Variants in SLC2A4RG observed in about 807,000 individuals in gnomAD.
SLC2A4RG encodes GLUT4 enhancer factor.
Under a neutral mutation model 35.5 loss-of-function variants are expected in SLC2A4RG, and 23 were observed. The ratio of observed to expected loss-of-function variants is 0.65; its 90% CI spans 0.47 to 0.92. The LOEUF (loss-of-function observed/expected upper bound fraction) is 0.92. SLC2A4RG is among the 40% of genes least tolerant of loss of function. The pLI is 0.00. For missense variants in SLC2A4RG, 539 were observed against 525.0 expected (o/e 1.03, Z -0.26); for synonymous variants, 306 against 243.7 (o/e 1.26, Z -2.38).
chr20:63,741,360 TCTC>T lies in SLC2A4RG; in HGVS notation c.282-5_282-3del, dbSNP rs757652462. ...CTGGGTCACCCGCACCCCGCCCCCA[TCTC>T]CTCCAGAGCCACCCCAGGAAAAGCC... On this transcript the variant is annotated splice_region_variant and splice_polypyrimidine_tract_variant and intron_variant, in intron 2 of 7. Transcript: ENST00000266077. 69 of 1,611,396 alleles carry T rather than the reference TCTC, an allele frequency of 4.3e-5. No homozygotes were observed. The highest frequency in any genetic ancestry group is 1.8e-4 in the Middle Eastern group (1 of 5,658).
intron 2 of SLC2A4RG, 105 bp from the exon 3 acceptor site, chr20:63,741,265 G>T: frequency 2.0e-6 from 2 of 1,024,976 alleles, no homozygotes; most frequent in South Asian, 2.7e-5. Context: ...GGCTGGGAGT[G>T]GGGAGCCTGG....
rs1388300269 is a variant in SLC2A4RG at position 63,742,130 on chromosome 20, A to G, written c.580A>G (p.Ser194Gly). The G allele has an allele frequency of 6.2e-7, 1 of 1,603,800 alleles. No homozygotes were observed. Among genetic ancestry groups the G allele is most frequent in the South Asian group, 1.1e-5 (1 of 89,864 alleles). ...FGEPTLRKRK[S>G]PAQVMFQCLW... ...CTGACCCTGGCCCCTGTTGCTGCAG[A>G]GCCCGGCCCAGGTCATGTTCCAGTG... The change falls in exon 5 of 8, where the codon AGC becomes GGC. Residue 194 changes from serine (S) to glycine (G), a missense_variant and splice_region_variant. Coordinates refer to ENST00000266077, the MANE Select transcript of SLC2A4RG (RefSeq NM_020062.4).
chr20:63,742,247 G>A lies in SLC2A4RG; in HGVS notation c.680+17G>A. 1 of 1,584,276 alleles carries A rather than the reference G, an allele frequency of 6.3e-7. No homozygotes were observed. The highest frequency in any genetic ancestry group is 1.1e-5 in the South Asian group (1 of 88,700). On this transcript the variant is annotated intron_variant, in intron 5 of 7. Coordinates refer to ENST00000266077, the MANE Select transcript of SLC2A4RG (RefSeq NM_020062.4). Reference sequence around the variant, plus strand: ...GCACCTGGGGTGCGGCGGGGCCTGGGGTGCGGCGGGGCCTGCGGGTTGGCT... The same window carrying A: ...GCACCTGGGGTGCGGCGGGGCCTGGAGTGCGGCGGGGCCTGCGGGTTGGCT...
intron 2 of SLC2A4RG, among the ~76,000 whole-genome samples, chr20:63,741,070 C>T (rs553724042): frequency 9.2e-5 from 14 of 152,324 alleles, no homozygotes; most frequent in African/African-American, 2.9e-4. Context: ...GGGCCTGGCC[C>T]GCCCCTCTGC....
Position 63,739,789 on chromosome 20 carries a change from C to CGCGGCGCGG in SLC2A4RG, c.-117_-109dup. 6.5e-6 allele frequency: 6 copies of CGCGGCGCGG among 924,548 alleles called. No individual in the cohort carries two copies. The highest frequency in any genetic ancestry group is 1.9e-5 in the African/African-American group (1 of 54,028). The allele number at this position is 924,548 out of a possible 1,614,324, so 57.3% of individuals were successfully genotyped here. A position where few individuals can be genotyped will look rare whatever the true frequency, so the allele number is the denominator to read the frequency against. On this transcript the variant is annotated 5_prime_UTR_variant, in exon 1 of 8. Coordinates refer to ENST00000266077, the MANE Select transcript of SLC2A4RG (RefSeq NM_020062.4). ...GGCGGGCCGGGCAGCCTCCGGGCGG[C>CGCGGCGCGG]GCGGCGCGGGCGGCGGCCGGATCCA...
chr20:63,741,189 G>A (rs576528385), intron 2 of SLC2A4RG, 181 bp from the exon 3 acceptor site: 2 of 600,682 alleles, frequency 3.3e-6, no homozygotes, highest in African/African-American at 3.7e-5. Context: ...TGCTCCTGGC[G>A]GCTCCGGGTG....
At chr20:63,742,826 G>C in intron 7 of SLC2A4RG, 36 bp downstream of exon 7, 1 of 1,581,870 alleles carries the variant, frequency 6.3e-7, no homozygotes, top group South Asian at 1.1e-5. Context: ...CTGGCACCAG[G>C]TGGGGAGGGT....
chr20:63,742,477 CCG>C lies in SLC2A4RG; in HGVS notation c.824_825del (p.Arg275ProfsTer14). 6.3e-7 allele frequency: 1 copy of C among 1,585,678 alleles called. No individual in the cohort carries two copies. Among genetic ancestry groups the C allele is most frequent in the Non-Finnish European group, 8.6e-7 (1 of 1,166,734 alleles). On this transcript the variant is annotated frameshift_variant, in exon 6 of 8. Transcript: ENST00000266077. LOFTEE classifies it high-confidence loss of function. ...PTASMPPAFP[R>X]LELPELLEPP... Reference sequence around the variant, plus strand: ...CGGCCTCCATGCCGCCTGCCTTCCCCCGCCTGGAGCTGCCAGAGCTGCTGGAG... The same window carrying C: ...CGGCCTCCATGCCGCCTGCCTTCCCCCCTGGAGCTGCCAGAGCTGCTGGAG...
chr20:63,742,081 G>C (rs745557651), intron 4 of SLC2A4RG, 25 bp downstream of exon 4: 13 of 1,610,544 alleles, frequency 8.1e-6, no homozygotes, highest in South Asian at 1.1e-5. Context: ...GGCCCCCAGG[G>C]AGGGGCGGGT....
At chr20:63,742,668 G>A (rs1465356631) in intron 6 of SLC2A4RG, 31 bp from the exon 7 acceptor site, 2 of 1,594,338 alleles carry the variant, frequency 1.3e-6, no homozygotes, top group Non-Finnish European at 1.7e-6. Flanking sequence ...TCTCTGGAGG[G>A]GAGTGAAGCC....
In SLC2A4RG at chr20:63,743,534, G is replaced by C. The variant is rs958849467; in HGVS notation, c.*544G>C. 2 of 153,328 alleles carry C rather than the reference G, an allele frequency of 1.3e-5. No homozygotes were observed. Among genetic ancestry groups the C allele is most frequent in the African/African-American group, 4.8e-5 (2 of 41,468 alleles). The allele number at this position is 153,328 out of a possible 1,614,324, so 9.5% of individuals were successfully genotyped here. The stretch of plus-strand genomic sequence containing the variant: ...TTGTCTGCCTCTCGGGAGGAAGGCC[G>C]TGGGGCTGGGACCCTGTGGTGGGCA... On this transcript the variant is annotated 3_prime_UTR_variant, in exon 8 of 8. Coordinates refer to ENST00000266077, the MANE Select transcript of SLC2A4RG (RefSeq NM_020062.4).
chr20:63,740,005 C>T lies in SLC2A4RG; in HGVS notation c.93C>T (p.Arg31=). 1 of 980,972 alleles carries T rather than the reference C, an allele frequency of 1.0e-6. No homozygotes were observed. Among genetic ancestry groups the T allele is most frequent in the African/African-American group, 1.8e-5 (1 of 56,650 alleles). 60.8% of individuals were successfully genotyped at this position (980,972 alleles called of 1,614,324 possible). ...TGCGCGCGGAGGGTCCGGGGCCGCG[C>T]GCCGCGCCCGTGACGGTGCCCACGC... ...PWLRAEGPGP[R]AAPVTVPTPP... The change falls in exon 1 of 8, where the codon CGC becomes CGT. Residue 31 remains arginine, a synonymous_variant. Coordinates refer to ENST00000266077, the MANE Select transcript of SLC2A4RG (RefSeq NM_020062.4).
chr20:63,742,195 G>C lies in SLC2A4RG; in HGVS notation c.645G>C (p.Ser215=). ...GCGGGAAGGTGCTGAGCACGGCGTC[G>C]GCGATGCAGAGACACATCCGCCTGG... is the stretch of plus-strand genomic sequence containing the variant. ...KSCGKVLSTA[S]AMQRHIRLVH... The change falls in exon 5 of 8, where the codon TCG becomes TCC. Residue 215 remains serine (S), a synonymous_variant. Transcript: ENST00000266077. 1 of 1,600,606 alleles carries C rather than the reference G, an allele frequency of 6.2e-7. No individual in the cohort carries two copies. Among genetic ancestry groups the C allele is most frequent in the Non-Finnish European group, 8.5e-7 (1 of 1,174,084 alleles).
intron 2 of SLC2A4RG, among the ~76,000 whole-genome samples, chr20:63,740,754 G>A (rs944211096): frequency 6.6e-6 from 1 of 152,220 alleles, no homozygotes; most frequent in Admixed American, 6.5e-5. Context: ...CTCAGAACCC[G>A]GAGCGGGTGG....
chr20:63,739,983 G>A lies in SLC2A4RG; in HGVS notation c.71G>A (p.Arg24His). The change falls in exon 1 of 8, where the codon CGC (arginine) becomes CAC (histidine). Residue 24 changes from arginine (R) to histidine (H), a missense_variant. By Grantham distance (29) the Arg-to-His change is conservative. Transcript: ENST00000266077. ...CTGCGGGCCGAGGCGCCGTGGCTGC[G>A]CGCGGAGGGTCCGGGGCCGCGCGCC... ...SALRAEAPWL[R>H]AEGPGPRAAP... The A allele has an allele frequency of 2.0e-6, 2 of 980,660 alleles. No individual in the cohort carries two copies. Among genetic ancestry groups the A allele is most frequent in the Non-Finnish European group, 2.4e-6 (2 of 828,294 alleles). The allele number at this position is 980,660 out of a possible 1,614,324, so 60.7% of individuals were successfully genotyped here. A position where few individuals can be genotyped will look rare whatever the true frequency, so the allele number is the denominator to read the frequency against.
chr20:63,741,286 T>G, intron 2 of SLC2A4RG, 84 bp from the exon 3 acceptor site: 1 of 1,248,224 alleles, frequency 8.0e-7, no homozygotes, highest in Non-Finnish European at 1.2e-6. Context: ...TGTGCACGCG[T>G]GCCCAGGCCT....
chr20:63,742,079 G>A, intron 4 of SLC2A4RG, 23 bp downstream of exon 4: 1 of 1,610,286 alleles, frequency 6.2e-7, no homozygotes, highest in Non-Finnish European at 8.5e-7. Flanking sequence ...GCGGCCCCCA[G>A]GGAGGGGCGG....
intron 3 of SLC2A4RG, 93 bp from the exon 4 acceptor site, chr20:63,741,776 G>C: frequency 1.4e-6 from 2 of 1,454,810 alleles, no homozygotes; most frequent in Non-Finnish European, 1.8e-6. Context: ...CTGCCCACCA[G>C]TCTCACCGGA....
At position 63,741,904 on chromosome 20, in the gene SLC2A4RG, C is replaced by T. The variant is rs374915877; in HGVS notation, c.427C>T (p.Arg143Trp). 15 of 1,609,260 alleles carry T rather than the reference C, an allele frequency of 9.3e-6. No homozygotes were observed. The highest frequency in any genetic ancestry group is 1.7e-4 in the Middle Eastern group (1 of 5,832). The change falls in exon 4 of 8, where the codon CGG becomes TGG. Residue 143 changes from arginine to tryptophan, a missense_variant. Physicochemically the swap from Arg to Trp is moderately radical, Grantham distance 101. Transcript: ENST00000266077. ...GGAGCCCTGGAAGGAGGCCCTGGTG[C>T]GGCCCCCAGGCAGCTACAGCAGCAG... ...GLEPWKEALVRPPGSYSSSSN... is the reference protein window; with the variant it reads ...GLEPWKEALVWPPGSYSSSSN...
Sources: gnomAD v4.1 joint callset for allele counts (sites outside exome capture counted in the v4.1 genomes callset) on GRCh38, gnomAD v4.1.1 for gene constraint, MANE v1.5 for transcripts, NCBI Gene and HGNC (gene_info 2026-07-23, HGNC 2026-07-21) for gene names.